Variants in ZNF263 observed in about 807,000 individuals in gnomAD.
The protein encoded by ZNF263 is zinc finger protein 263.
Under a neutral mutation model 63.1 loss-of-function variants are expected in ZNF263, and 49 were observed. The ratio of observed to expected loss-of-function variants is 0.78; its 90% confidence interval spans 0.62 to 0.99. ZNF263 has a LOEUF of 0.99. Among genes scored for constraint, ZNF263 ranks in the 50% least tolerant of loss-of-function variants. ZNF263 has a pLI of 0.00. For synonymous variants in ZNF263, 352 were observed against 324.2 expected (o/e 1.09, Z -0.92); for missense variants, 872 against 854.8 (o/e 1.02, Z -0.25).
intron 1 of ZNF263, among the ~76,000 whole-genome samples, chr16:3,297,030 C>T (rs1413287406): frequency 1.3e-5 from 2 of 152,026 alleles, no homozygotes; most frequent in Non-Finnish European, 2.9e-5. Flanking sequence ...ACAGGCCGGG[C>T]GCAGTGGCTC....
Position 3,291,295 on chromosome 16 carries a change from TA to T in ZNF263, c.*740del. The T allele has an allele frequency of 1.0e-6, 1 of 985,166 alleles. No individual in the cohort carries two copies. The highest frequency in any genetic ancestry group is 1.2e-6 in the Non-Finnish European group (1 of 829,890). 61.0% of individuals were successfully genotyped at this position (985,166 alleles called of 1,614,324 possible). ...ATTCCCCCCACCTGTGTGAGAAAAA[TA>T]AACAGCTCTGGAGTCTTGTTCCTGA... On this transcript the variant is annotated 3_prime_UTR_variant, in exon 6 of 6. Transcript: ENST00000219069.
At chr16:3,287,650 C>A (rs1461625686) in intron 4 of ZNF263, among the ~76,000 whole-genome samples, 1 of 151,940 alleles carries the variant, frequency 6.6e-6, no homozygotes, top group Non-Finnish European at 1.5e-5. Context: ...TCCATGTTTG[C>A]TGGAGGTGGA....
At chr16:3,293,191 C>T (rs1959659992), downstream of ZNF263, 1 of 152,154 alleles carries the variant, frequency 6.6e-6, no homozygotes, top group African/African-American at 2.4e-5. Context: ...GACGGTTTTC[C>T]CCTATGCTGT....
In ZNF263 at chr16:3,289,398, G is replaced by C. The variant is rs761573685; in HGVS notation, c.892G>C (p.Glu298Gln). ...LSPRGPAPGE[E>Q]KFENLEGVPS... ...GGTTTCTCTCTCTCTACCAGGAGAA[G>C]AGAAATTTGAGAACCTGGAAGGTGT... is the stretch of plus-strand genomic sequence containing the variant. Residue 298 changes from glutamate (E) to glutamine (Q), a missense_variant, in exon 6 of 6, where the codon GAG becomes CAG. Coordinates refer to ENST00000219069, the MANE Select transcript of ZNF263 (RefSeq NM_005741.5). 9.4e-5 allele frequency: 142 copies of C among 1,510,302 alleles called. No homozygotes were observed. Among genetic ancestry groups the C allele is most frequent in the Non-Finnish European group, 1.2e-4 (130 of 1,130,382 alleles). The allele number at this position is 1,510,302 out of a possible 1,614,324, so 93.6% of individuals were successfully genotyped here. A position where few individuals can be genotyped will look rare whatever the true frequency, so the allele number is the denominator to read the frequency against.
At chr16:3,289,276 C>A (rs1243078424) in intron 5 of ZNF263, 117 bp from the exon 6 acceptor site, 1 of 1,108,276 alleles carries the variant, frequency 9.0e-7, no homozygotes, top group African/African-American at 1.6e-5. Context: ...GGATGGGATT[C>A]TGAGGTAGAA....
In ZNF263 at chr16:3,290,044, C is replaced by T. The variant is rs746125295; in HGVS notation, c.1538C>T (p.Thr513Ile). 9.9e-6 allele frequency: 16 copies of T among 1,614,094 alleles called. No homozygotes were observed. ...CTCCTTCGGCACCAGAGAATTCACA[C>T]TGGAGAGCGACCTTATAAGTGTCCC... ...SNLLRHQRIH[T>I]GERPYKCPEC... Residue 513 changes from threonine to isoleucine, a missense_variant, in exon 6 of 6, where the codon ACT (threonine) becomes ATT (isoleucine). Physicochemically the swap from Thr to Ile is moderately conservative, Grantham distance 89. Coordinates refer to ENST00000219069, the MANE Select transcript of ZNF263 (RefSeq NM_005741.5).
chr16:3,286,519 C>T (rs1026053927), intron 4 of ZNF263: 6 of 157,608 alleles, frequency 3.8e-5, no homozygotes, highest in Non-Finnish European at 5.6e-5. Flanking sequence ...CTTATGAGCT[C>T]GCCAGTGTTT....
At chr16:3,297,869 C>T (rs1258866688) in intron 1 of ZNF263, among the ~76,000 whole-genome samples, 1 of 152,152 alleles carries the variant, frequency 6.6e-6, no homozygotes, top group African/African-American at 2.4e-5. Flanking sequence ...ACTCACCTGA[C>T]ACCTTATATT....
downstream of ZNF263, chr16:3,293,125 A>G (rs1959657208): frequency 6.6e-6 from 1 of 152,082 alleles, no homozygotes; most frequent in South Asian, 2.1e-4. Flanking sequence ...CTCATCTCTA[A>G]TTGTTATCCC....
rs1959537934 is a variant in ZNF263 at position 3,289,882 on chromosome 16, A to C, written c.1376A>C (p.Glu459Ala). The change falls in exon 6 of 6, where the codon GAG (glutamate) becomes GCG (alanine). Residue 459 changes from glutamate to alanine, a missense_variant. Transcript: ENST00000219069. ...LTRHQRTHTGEKPYQCNICGK... is the reference protein window; with the variant it reads ...LTRHQRTHTGAKPYQCNICGK... Reference sequence around the variant, plus strand: ...CGCCACCAACGCACCCACACGGGTGAGAAGCCCTATCAGTGCAACATTTGC... The same window carrying C: ...CGCCACCAACGCACCCACACGGGTGCGAAGCCCTATCAGTGCAACATTTGC... 1 of 1,614,212 alleles carries C rather than the reference A, an allele frequency of 6.2e-7. No homozygotes were observed. The highest frequency in any genetic ancestry group is 8.5e-7 in the Non-Finnish European group (1 of 1,180,042).
chr16:3,292,281 G>A (rs1959632023), downstream of ZNF263, among the ~76,000 whole-genome samples: 2 of 152,222 alleles, frequency 1.3e-5, no homozygotes, highest in Non-Finnish European at 2.9e-5. Flanking sequence ...GCGCTCCATT[G>A]ATCCTTCTCT....
At position 3,290,877 on chromosome 16, in the gene ZNF263, T is replaced by A. The variant is rs1959589512; in HGVS notation, c.*319T>A. On this transcript the variant is annotated 3_prime_UTR_variant, in exon 6 of 6. Coordinates refer to ENST00000219069, the MANE Select transcript of ZNF263 (RefSeq NM_005741.5). ...GCGATTTGGGCACCTGACTGTCCAG[T>A]TTACCTTAACAAGTTTGGGAATCCA... The A allele has an allele frequency of 9.3e-7, 1 of 1,074,622 alleles. No homozygotes were observed. The highest frequency in any genetic ancestry group is 1.1e-6 in the Non-Finnish European group (1 of 884,694). 66.6% of individuals were successfully genotyped at this position (1,074,622 alleles called of 1,614,324 possible).
rs1342450595 is a variant in ZNF263 at position 3,290,834 on chromosome 16, T to C, written c.*276T>C. The C allele has an allele frequency of 1.7e-6, 2 of 1,183,236 alleles. No individual in the cohort carries two copies. Among genetic ancestry groups the C allele is most frequent in the Admixed American group, 4.2e-5 (1 of 24,014 alleles). The allele number at this position is 1,183,236 out of a possible 1,614,324, so 73.3% of individuals were successfully genotyped here. On this transcript the variant is annotated 3_prime_UTR_variant, in exon 6 of 6. Coordinates refer to ENST00000219069, the MANE Select transcript of ZNF263 (RefSeq NM_005741.5). ...CCCCAGGGTGCTCCTACCCTCTTGG[T>C]CTTTTTAAAGCCAAGGTGCGATTTG...
chr16:3,294,281 G>C (rs115292861), downstream of ZNF263, among the ~76,000 whole-genome samples: 575 of 152,276 alleles, frequency 3.8e-3, 5 homozygotes, highest in African/African-American at 0.013. Context: ...TACTACTTTG[G>C]AATGTGCAAA....
chr16:3,298,005 T>C (rs1288471418), intron 1 of ZNF263, among the ~76,000 whole-genome samples: 2 of 152,346 alleles, frequency 1.3e-5, no homozygotes, highest in African/African-American at 2.4e-5. Flanking sequence ...ATGGTGGGAA[T>C]GTGAAAGCAA....
At chr16:3,299,997 G>C in intron 2 of ZNF263, 3 of 1,613,984 alleles carry the variant, frequency 1.9e-6, no homozygotes, top group Non-Finnish European at 2.5e-6. Context: ...ACCTTTCTTT[G>C]TTTATTTTCT....
chr16:3,295,108 G>A (rs1007538682), downstream of ZNF263, among the ~76,000 whole-genome samples: 2 of 152,166 alleles, frequency 1.3e-5, no homozygotes. Context: ...GTGATTTGCA[G>A]AACCAGAGAC....
At chr16:3,299,517 T>C in intron 2 of ZNF263, 1 of 1,533,070 alleles carries the variant, frequency 6.5e-7, no homozygotes, top group Non-Finnish European at 8.7e-7. Flanking sequence ...TGGAAACTCC[T>C]TTATCTCCTT....
chr16:3,284,883 C>G (rs113646627), intron 1 of ZNF263, among the ~76,000 whole-genome samples, 176 bp from the exon 2 acceptor site: 1 of 152,156 alleles, frequency 6.6e-6, no homozygotes. Flanking sequence ...CTTTCCCTAA[C>G]CCCTCCCCCT....
Sources: allele counts gnomAD v4.1 joint callset (sites outside exome capture counted in the v4.1 genomes callset), GRCh38; gene constraint gnomAD v4.1.1; transcripts MANE v1.5; gene names NCBI Gene and HGNC (gene_info 2026-07-23, HGNC 2026-07-21).